ZNF841: variants seen among roughly 807,000 people sequenced by gnomAD.
ZNF841 encodes the protein TCONS_00006091.
Under a neutral mutation model 13.0 loss-of-function variants are expected in ZNF841, and 11 were observed. The ratio of observed to expected loss-of-function variants is 0.85; its 90% CI spans 0.53 to 1.40. The LOEUF (loss-of-function observed/expected upper bound fraction) is 1.40. Ranked by LOEUF, ZNF841 falls within the 40% of genes most tolerant of loss-of-function variation. The pLI is 0.00. For synonymous variants in ZNF841, 369 were observed against 381.6 expected (o/e 0.97, Z 0.38); for missense variants, 1,068 against 1,139.5 (o/e 0.94, Z 0.90).
chr19:52,062,199 G>A (rs547205041), downstream of ZNF841, among the ~76,000 whole-genome samples: 1 of 152,138 alleles, frequency 6.6e-6, no homozygotes, highest in African/African-American at 2.4e-5. Flanking sequence ...GGGCAACAGG[G>A]TGGTGACATG....
In ZNF841 at chr19:52,066,607, T is replaced by C; in HGVS notation, c.1275A>G (p.Gly425=). 1 of 1,613,742 alleles carries C rather than the reference T, an allele frequency of 6.2e-7. No individual in the cohort carries two copies. Among genetic ancestry groups the C allele is most frequent in the Non-Finnish European group, 8.5e-7 (1 of 1,179,808 alleles). ...ATACATCACATGTATATGGTTTCTT[T>C]CCTGCATGGATTATATGATGTGCAG... is the stretch of plus-strand genomic sequence containing the variant. The part of the protein sequence containing the change: ...SLTAHHIIHA[G]KKPYTCDVCG... Residue 425 remains glycine, a synonymous_variant, in exon 7 of 7, where the codon GGA becomes GGG. Coordinates refer to ENST00000594440, the MANE Select transcript of ZNF841 (RefSeq NM_001136499.2).
At chr19:52,085,593 C>T (rs1016043051) in intron 3 of ZNF841, among the ~76,000 whole-genome samples, 1 of 152,074 alleles carries the variant, frequency 6.6e-6, no homozygotes, top group Admixed American at 6.6e-5. Context: ...CACAGAAGTC[C>T]CAATGGAGAA....
chr19:52,085,173 C>T lies in ZNF841; in HGVS notation c.-77-295G>A, dbSNP rs73934753. On this transcript the variant is annotated intron_variant, in intron 3 of 6. Coordinates refer to ENST00000594440, the MANE Select transcript of ZNF841 (RefSeq NM_001136499.2). ...TGATCAAACCCCATACAGAGCACAG[C>T]CCCCTCACCTCCCTGTGGATCACAG... is the stretch of plus-strand genomic sequence containing the variant. 8.0e-3 allele frequency among the ~76,000 whole-genome samples: 1,223 copies of T among 152,278 alleles called. 21 individuals carry two copies. Among genetic ancestry groups the T allele is most frequent in the African/African-American group, 0.028 (1,168 of 41,548 alleles).
At chr19:52,093,204 GC>G (rs1416670848) in intron 2 of ZNF841, among the ~76,000 whole-genome samples, 3 of 152,108 alleles carry the variant, frequency 2.0e-5, no homozygotes, top group Non-Finnish European at 2.9e-5. Flanking sequence ...CAACCCAAGT[GC>G]CCATCCATGA....
intron 5 of ZNF841, 53 bp downstream of exon 5, chr19:52,076,905 G>A (rs889499241): frequency 1.9e-6 from 3 of 1,597,626 alleles, no homozygotes; most frequent in East Asian, 2.3e-5. Context: ...AATAAGGAAA[G>A]TACAAAAATG....
intron 4 of ZNF841, among the ~76,000 whole-genome samples, chr19:52,079,848 G>A (rs920497350): frequency 5.3e-5 from 8 of 152,056 alleles, no homozygotes; most frequent in South Asian, 4.1e-4. Context: ...AAAATTAGCC[G>A]AGCATGGTGG....
Position 52,085,487 on chromosome 19 carries a change from AG to A in ZNF841, c.-77-610del, listed in dbSNP as rs369950431. On this transcript the variant is annotated intron_variant, in intron 3 of 6. Coordinates refer to ENST00000594440, the MANE Select transcript of ZNF841 (RefSeq NM_001136499.2). ...TCACTGTTACCAGTTTGTAGACAGT[AG>A]AACACAATGGACCAGAAACACAGAG... Among the ~76,000 whole-genome samples the A allele has an allele frequency of 5.3e-5, 8 of 152,366 alleles. No individual in the cohort carries two copies. The South Asian group carries it at 1.4e-3, about 28-fold the overall frequency.
chr19:52,088,217 C>T (rs2123364241), intron 3 of ZNF841, among the ~76,000 whole-genome samples: 1 of 152,288 alleles, frequency 6.6e-6, no homozygotes, highest in East Asian at 1.9e-4. Context: ...CGAACCAACC[C>T]TCCAGCTGCC....
At chr19:52,081,554 T>C (rs373336554) in intron 4 of ZNF841, among the ~76,000 whole-genome samples, 215 of 151,916 alleles carry the variant, frequency 1.4e-3, no homozygotes, top group African/African-American at 4.9e-3. Context: ...TAAAGAAAAA[T>C]CAAAAAGAAA....
At chr19:52,083,818 C>CT (rs200811423) in intron 4 of ZNF841, among the ~76,000 whole-genome samples, 6,171 of 138,842 alleles carry the variant, frequency 0.044, 173 homozygotes, top group African/African-American at 0.074. Flanking sequence ...TCATAGTTAC[C>CT]TTTTTTTTTT....
downstream of ZNF841, among the ~76,000 whole-genome samples, chr19:52,061,364 G>A (rs2087393368): frequency 6.6e-6 from 1 of 152,130 alleles, no homozygotes; most frequent in South Asian, 2.1e-4. Flanking sequence ...CCTTAATTAT[G>A]ACACCATCCT....
chr19:52,095,158 A>G (rs2088626668), intron 1 of ZNF841, among the ~76,000 whole-genome samples: 1 of 152,184 alleles, frequency 6.6e-6, no homozygotes, highest in East Asian at 1.9e-4. Flanking sequence ...GTGTCACAAG[A>G]CAGACTCAGG....
intron 4 of ZNF841, among the ~76,000 whole-genome samples, chr19:52,083,122 CA>C (rs2088152674): frequency 6.6e-6 from 1 of 151,606 alleles, no homozygotes; most frequent in East Asian, 1.9e-4. Flanking sequence ...TTGCAAAATA[CA>C]GCAGAACATT....
intron 4 of ZNF841, among the ~76,000 whole-genome samples, chr19:52,080,211 A>G (rs1485480018): frequency 6.6e-6 from 1 of 152,156 alleles, no homozygotes; most frequent in Non-Finnish European, 1.5e-5. Flanking sequence ...AAATTATAAA[A>G]CTACACTGAG....
At chr19:52,092,451 C>T (rs2088527768) in intron 2 of ZNF841, among the ~76,000 whole-genome samples, 1 of 152,164 alleles carries the variant, frequency 6.6e-6, no homozygotes. Context: ...GCTATCACCT[C>T]ATACCTCTTA....
chr19:52,076,943 G>A lies in ZNF841; in HGVS notation c.142+15C>T, dbSNP rs759232776. The A allele has an allele frequency of 1.2e-6, 2 of 1,610,974 alleles. No homozygotes were observed. The highest frequency in any genetic ancestry group is 4.5e-5 in the East Asian group (2 of 44,716). ...CAAGGGAAGATCCTAACTTCTGGAG[G>A]AAAACTATCCTCACCCAGGAAGCCG... On this transcript the variant is annotated intron_variant, in intron 5 of 6. Coordinates refer to ENST00000594440, the MANE Select transcript of ZNF841 (RefSeq NM_001136499.2).
intron 5 of ZNF841, among the ~76,000 whole-genome samples, chr19:52,076,650 C>CA (rs35136245): frequency 0.49 from 53,128 of 108,756 alleles, 11,589 homozygotes; most frequent in South Asian, 0.64. Flanking sequence ...GAGACTGTGT[C>CA]AAAAAAAAAA....
downstream of ZNF841, among the ~76,000 whole-genome samples, chr19:52,064,180 T>C (rs1453711221): frequency 6.6e-6 from 1 of 151,170 alleles, no homozygotes; most frequent in Non-Finnish European, 1.5e-5. Context: ...CCGTCTCTAC[T>C]AAAAATACAA....
chr19:52,070,742 G>A (rs771291527), intron 6 of ZNF841, among the ~76,000 whole-genome samples: 2 of 152,140 alleles, frequency 1.3e-5, no homozygotes, highest in African/African-American at 4.8e-5. Flanking sequence ...AATAACGAAC[G>A]GTATCTGAGT....
Sources: allele counts gnomAD v4.1 joint callset (sites outside exome capture counted in the v4.1 genomes callset), GRCh38; gene constraint gnomAD v4.1.1; transcripts MANE v1.5; gene names NCBI Gene and HGNC (gene_info 2026-07-23, HGNC 2026-07-21).